The following RAB11A variants were observed in gnomAD, a reference collection of about 807,000 sequenced individuals.
The protein encoded by RAB11A is RAB11A, member RAS oncogene family, also known as ras-related protein Rab-11A.
A neutral mutation model predicts 28.0 loss-of-function variants in RAB11A; 9 were observed. That is an observed-to-expected ratio of 0.32 (90% CI 0.19 to 0.56). The LOEUF (loss-of-function observed/expected upper bound fraction) is 0.56, where lower values mean the gene tolerates loss of function less well. Among genes scored for constraint, RAB11A ranks in the 20% least tolerant of loss-of-function variants. The pLI is 0.91. For synonymous variants in RAB11A, 85 were observed against 88.2 expected (o/e 0.96, Z 0.20); for missense variants, 108 against 269.6 (o/e 0.40, Z 4.20).
At chr15:65,884,221 G>A (rs1309213677) in intron 4 of RAB11A, among the ~76,000 whole-genome samples, 1 of 152,066 alleles carries the variant, frequency 6.6e-6, no homozygotes, top group Non-Finnish European at 1.5e-5. Flanking sequence ...ATGGGAGGGT[G>A]CCAAGGCTAA....
At position 65,889,598 on chromosome 15, in the gene RAB11A, A is replaced by C. The variant is rs12591642; in HGVS notation, c.*1758A>C. On this transcript the variant is annotated 3_prime_UTR_variant, in exon 5 of 5. Transcript: ENST00000261890. ...GTGTGAATTCAGCTTTGATTTTAGA[A>C]CTGCAGTTCAATTATGCTTTCCTTG... is the stretch of plus-strand genomic sequence containing the variant. 0.33 allele frequency: 50,756 copies of C among 152,008 alleles called. 9,317 individuals carry two copies. The highest frequency in any genetic ancestry group is 0.67 in the East Asian group (3,469 of 5,158). 9.4% of individuals were successfully genotyped at this position (152,008 alleles called of 1,614,324 possible). A position where few individuals can be genotyped will look rare whatever the true frequency, so the allele number is the denominator to read the frequency against.
chr15:65,877,141 C>T lies in RAB11A; in HGVS notation c.41-191C>T, dbSNP rs979954471. Among the ~76,000 whole-genome samples, 2 of 152,158 alleles carry T rather than the reference C, an allele frequency of 1.3e-5. No individual in the cohort carries two copies. Among genetic ancestry groups the T allele is most frequent in the Non-Finnish European group, 2.9e-5 (2 of 68,006 alleles). On this transcript the variant is annotated intron_variant, in intron 1 of 4. Coordinates refer to ENST00000261890, the MANE Select transcript of RAB11A (RefSeq NM_004663.5). The surrounding 1 kb of genome is among the most constrained non-coding windows in gnomAD (Gnocchi z 4.1). ...TAGAAACAGGTTGAAAAGAATAAAT[C>T]GGTTTTATTGATTGGTAACTGGTCA...
At chr15:65,878,022 G>C (rs758544795) in intron 3 of RAB11A, 67 bp downstream of exon 3, 21 of 1,379,768 alleles carry the variant, frequency 1.5e-5, no homozygotes, top group Admixed American at 8.4e-5. Context: ...CTTCCAATGA[G>C]AGTAATAGGT....
chr15:65,886,653 T>A (rs956376620), intron 4 of RAB11A, among the ~76,000 whole-genome samples: 1 of 152,236 alleles, frequency 6.6e-6, no homozygotes, highest in African/African-American at 2.4e-5. Context: ...CAGTGCAGTA[T>A]AAGACCAAAC....
In RAB11A at chr15:65,887,806, A is replaced by G. The variant is rs770049340; in HGVS notation, c.617A>G (p.Asn206Ser). 2 of 1,613,624 alleles carry G rather than the reference A, an allele frequency of 1.2e-6. No individual in the cohort carries two copies. The highest frequency in any genetic ancestry group is 3.3e-5 in the Admixed American group (2 of 59,922). Residue 206 changes from asparagine to serine, a missense_variant, in exon 5 of 5, where the codon AAC becomes AGC. Around this residue, in one of 2 missense-constraint regions of RAB11A, gnomAD observed 85 missense variants for 145.9 expected, o/e 0.58. Coordinates refer to ENST00000261890, the MANE Select transcript of RAB11A (RefSeq NM_004663.5). ...ATTCATGTTCCACCAACCACTGAAAACAAGCCAAAGGTGCAGTGCTGTCAG... is the reference window on the plus strand; with the variant it reads ...ATTCATGTTCCACCAACCACTGAAAGCAAGCCAAAGGTGCAGTGCTGTCAG... ...VPIHVPPTTE[N>S]KPKVQCCQNI
intron 4 of RAB11A, among the ~76,000 whole-genome samples, chr15:65,885,515 A>G (rs2078250963): frequency 6.6e-6 from 1 of 152,346 alleles, no homozygotes; most frequent in East Asian, 1.9e-4. Context: ...TAATTAAAAA[A>G]TTCAAGATCC....
intron 4 of RAB11A, among the ~76,000 whole-genome samples, chr15:65,886,699 G>T (rs1470351561): frequency 6.6e-6 from 1 of 152,168 alleles, no homozygotes; most frequent in South Asian, 2.1e-4. Context: ...GAGGAATTTA[G>T]TGACATTCAT....
rs2141097898 is a variant in RAB11A at position 65,869,532 on chromosome 15, C to T, written c.-54C>T. ...TCGGGTTACCCCTGCAGCGACGCCC[C>T]CTGGTCCCACAGATACCACTGCTGC... On this transcript the variant is annotated 5_prime_UTR_variant, in exon 1 of 5. Coordinates refer to ENST00000261890, the MANE Select transcript of RAB11A (RefSeq NM_004663.5). 2 of 1,597,400 alleles carry T rather than the reference C, an allele frequency of 1.3e-6. No individual in the cohort carries two copies.
chr15:65,886,332 C>T (rs2078255531), intron 4 of RAB11A, among the ~76,000 whole-genome samples: 1 of 152,194 alleles, frequency 6.6e-6, no homozygotes, highest in Non-Finnish European at 1.5e-5. Flanking sequence ...TAGATGGCTA[C>T]TCTCTTGGAT....
At chr15:65,880,813 A>G (rs1353697797) in intron 4 of RAB11A, among the ~76,000 whole-genome samples, 2 of 152,096 alleles carry the variant, frequency 1.3e-5, no homozygotes, top group South Asian at 2.1e-4. Context: ...TAAAATTCAT[A>G]TATATTTTGA....
intron 3 of RAB11A, among the ~76,000 whole-genome samples, chr15:65,878,260 G>A (rs973701587): frequency 9.2e-5 from 14 of 152,220 alleles, no homozygotes; most frequent in African/African-American, 2.9e-4. Flanking sequence ...CTCAGGGAGT[G>A]TCAGGGACCA....
chr15:65,888,008 C>A lies in RAB11A; in HGVS notation c.*168C>A. The stretch of plus-strand genomic sequence containing the variant: ...TAGCTTTATAAAATCATCCACTTGT[C>A]CCGAATGACTGCAGCTTTTTTTCAT... On this transcript the variant is annotated 3_prime_UTR_variant, in exon 5 of 5. Transcript: ENST00000261890. The A allele has an allele frequency of 1.5e-6, 1 of 654,700 alleles. No homozygotes were observed. Among genetic ancestry groups the A allele is most frequent in the Non-Finnish European group, 2.3e-6 (1 of 441,502 alleles). 40.6% of individuals were successfully genotyped at this position (654,700 alleles called of 1,614,324 possible). A position where few individuals can be genotyped will look rare whatever the true frequency, so the allele number is the denominator to read the frequency against.
chr15:65,881,698 T>C (rs989910582), intron 4 of RAB11A, among the ~76,000 whole-genome samples: 1 of 151,944 alleles, frequency 6.6e-6, no homozygotes, highest in Non-Finnish European at 1.5e-5. Context: ...AATTGAGCCC[T>C]TTAAGAGCTG....
At chr15:65,886,811 A>G (rs563877302) in intron 4 of RAB11A, among the ~76,000 whole-genome samples, 70 of 152,362 alleles carry the variant, frequency 4.6e-4, no homozygotes, top group African/African-American at 1.7e-3. Context: ...TAAAAGAGGC[A>G]GACACTAAAT....
Position 65,877,676 on chromosome 15 carries a change from A to G in RAB11A, c.237-86A>G, listed in dbSNP as rs139443366. 7.4e-7 allele frequency: 1 copy of G among 1,356,612 alleles called. No individual in the cohort carries two copies. Among genetic ancestry groups the G allele is most frequent in the East Asian group, 2.4e-5 (1 of 42,492 alleles). The allele number at this position is 1,356,612 out of a possible 1,614,324, so 84.0% of individuals were successfully genotyped here. On this transcript the variant is annotated intron_variant, in intron 2 of 4. Transcript: ENST00000261890. This position sits in a 1 kb window ranked among gnomAD's most constrained non-coding sequence, Gnocchi z 4.1. The stretch of plus-strand genomic sequence containing the variant: ...GAAATTTATTTATAAGTATGTTTTT[A>G]AAACTCATGATCCATATTTTGAGTT...
At chr15:65,873,144 G>A (rs930635058) in intron 1 of RAB11A, among the ~76,000 whole-genome samples, 1 of 152,120 alleles carries the variant, frequency 6.6e-6, no homozygotes, top group Non-Finnish European at 1.5e-5. Flanking sequence ...TTTGGTGGGA[G>A]GGAATTAGTT....
In RAB11A at chr15:65,887,923, A is replaced by C; in HGVS notation, c.*83A>C. On this transcript the variant is annotated 3_prime_UTR_variant, in exon 5 of 5. Coordinates refer to ENST00000261890, the MANE Select transcript of RAB11A (RefSeq NM_004663.5). ...TAAATATATTTGTAATTCTTGTGTCACTTTTGTGTTTTATTACTTCATACT... is the reference window on the plus strand; with the variant it reads ...TAAATATATTTGTAATTCTTGTGTCCCTTTTGTGTTTTATTACTTCATACT... The C allele has an allele frequency of 7.4e-7, 1 of 1,344,248 alleles. No homozygotes were observed. The highest frequency in any genetic ancestry group is 9.8e-7 in the Non-Finnish European group (1 of 1,023,952). The allele number at this position is 1,344,248 out of a possible 1,614,324, so 83.3% of individuals were successfully genotyped here.
At position 65,888,126 on chromosome 15, in the gene RAB11A, T is replaced by G; in HGVS notation, c.*286T>G. On this transcript the variant is annotated 3_prime_UTR_variant, in exon 5 of 5. Coordinates refer to ENST00000261890, the MANE Select transcript of RAB11A (RefSeq NM_004663.5). ...CATCATGGAAGCCTGTCACTGTATG[T>G]AGGACATAATAGAACTTGATCACTT... is the stretch of plus-strand genomic sequence containing the variant. 3.6e-6 allele frequency: 1 copy of G among 274,598 alleles called. No homozygotes were observed. The highest frequency in any genetic ancestry group is 7.4e-5 in the East Asian group (1 of 13,442). 17.0% of individuals were successfully genotyped at this position (274,598 alleles called of 1,614,324 possible). A position where few individuals can be genotyped will look rare whatever the true frequency, so the allele number is the denominator to read the frequency against.
In RAB11A at chr15:65,873,135, T is replaced by C. The variant is rs145016408; in HGVS notation, c.40+3510T>C. 3.5e-3 allele frequency among the ~76,000 whole-genome samples: 528 copies of C among 152,350 alleles called. 2 individuals are homozygous for C. The highest frequency in any genetic ancestry group is 0.012 in the African/African-American group (510 of 41,582). On this transcript the variant is annotated intron_variant, in intron 1 of 4. Transcript: ENST00000261890. ...TTATTTAAGCCCAATAGTGAGACTT[T>C]TGGTGGGAGGGAATTAGTTTTATTT...
Sources: allele counts gnomAD v4.1 joint callset (sites outside exome capture counted in the v4.1 genomes callset), GRCh38; gene constraint gnomAD v4.1.1; regional missense constraint gnomAD v4.1.1; non-coding constraint Gnocchi (gnomAD v3.1); transcripts MANE v1.5; gene names NCBI Gene and HGNC (gene_info 2026-07-23, HGNC 2026-07-21).